The following GFOD1 variants were observed in gnomAD, a reference collection of about 807,000 sequenced individuals.
The protein encoded by GFOD1 is glucose-fructose oxidoreductase domain-containing protein 1.
A neutral mutation model predicts 25.4 loss-of-function variants in GFOD1; 9 were observed. The observed-to-expected ratio is 0.35, with a 90% CI of 0.21 to 0.62. The LOEUF is 0.62. GFOD1 is among the 20% of genes least tolerant of loss of function. The probability of loss-of-function intolerance (pLI) is 0.72; values close to 1 mark genes in which losing one functional copy is unlikely to be tolerated. For missense variants in GFOD1, 403 were observed against 556.9 expected (o/e 0.72, Z 2.78); for synonymous variants, 253 against 245.6 (o/e 1.03, Z -0.28).
Position 13,365,752 on chromosome 6 carries a change from T to C in GFOD1, c.254-90A>G, listed in dbSNP as rs1785032696. 6.9e-6 allele frequency: 7 copies of C among 1,008,690 alleles called. No individual in the cohort carries two copies. Among genetic ancestry groups the C allele is most frequent in the Non-Finnish European group, 1.0e-5 (7 of 685,332 alleles). The allele number at this position is 1,008,690 out of a possible 1,614,324, so 62.5% of individuals were successfully genotyped here. ...CAGATCTTAAAATATTTCACATTAA[T>C]AGAAAAAGAAGGTCAGATGTGGTGG... On this transcript the variant is annotated intron_variant, in intron 1 of 1. Transcript: ENST00000379287. This position sits in a 1 kb window ranked among gnomAD's most constrained non-coding sequence, Gnocchi z 9.2.
intron 1 of GFOD1, among the ~76,000 whole-genome samples, chr6:13,455,398 C>T (rs1009444545): frequency 7.9e-5 from 12 of 152,146 alleles, no homozygotes; most frequent in Admixed American, 2.0e-4. Flanking sequence ...GGTCCCCAGC[C>T]GGGTGGCTAC....
chr6:13,473,686 T>C (rs1022563223), intron 1 of GFOD1, among the ~76,000 whole-genome samples: 1 of 152,248 alleles, frequency 6.6e-6, no homozygotes, highest in Admixed American at 6.5e-5. Flanking sequence ...TGAGGAGGAC[T>C]TTATATCATA....
intron 1 of GFOD1, among the ~76,000 whole-genome samples, chr6:13,422,183 T>G (rs1246433866): frequency 6.6e-6 from 1 of 152,198 alleles, no homozygotes; most frequent in Non-Finnish European, 1.5e-5. Context: ...CAATTAAGGC[T>G]GCCATTCAAT....
intron 1 of GFOD1, chr6:13,469,272 A>G: frequency 4.1e-6 from 4 of 985,518 alleles, no homozygotes; most frequent in Non-Finnish European, 4.8e-6. Flanking sequence ...CTCGCCTTTT[A>G]TATCTTATCC....
In GFOD1 at chr6:13,360,969, T is replaced by C. The variant is rs1458449180; in HGVS notation, c.*3774A>G. The stretch of plus-strand genomic sequence containing the variant: ...TTGTGTGACTTTGAACAAGTTCCTC[T>C]TCCTCTTACTGCCTCCATTTTCTCA... On this transcript the variant is annotated 3_prime_UTR_variant, in exon 2 of 2. Transcript: ENST00000379287. The C allele has an allele frequency of 4.9e-6, 2 of 410,396 alleles. No homozygotes were observed. The highest frequency in any genetic ancestry group is 5.3e-5 in the Admixed American group (2 of 37,650). 25.4% of individuals were successfully genotyped at this position (410,396 alleles called of 1,614,324 possible).
At chr6:13,374,273 TTGTGTGTG>T (rs567594703) in intron 1 of GFOD1, among the ~76,000 whole-genome samples, 1 of 134,388 alleles carries the variant, frequency 7.4e-6, no homozygotes, top group African/African-American at 2.9e-5. Context: ...TGTTTTTTTT[TTGTGTGTG>T]TGTGTGTGTG....
At chr6:13,374,788 G>A (rs938824557) in intron 1 of GFOD1, among the ~76,000 whole-genome samples, 6 of 139,182 alleles carry the variant, frequency 4.3e-5, no homozygotes, top group Admixed American at 8.0e-5. Flanking sequence ...TGTTGCCCAG[G>A]CTGGAGTGCA....
intron 1 of GFOD1, among the ~76,000 whole-genome samples, chr6:13,409,145 G>GAAAGAAAGAAAA (rs1786008892): frequency 3.1e-5 from 1 of 32,344 alleles, no homozygotes; most frequent in African/African-American, 6.0e-5. Flanking sequence ...AAGAAAGAAA[G>GAAAGAAAGAAAA]AAAGAGAGGA....
At chr6:13,440,009 G>A (rs1757890063) in intron 1 of GFOD1, among the ~76,000 whole-genome samples, 1 of 152,096 alleles carries the variant, frequency 6.6e-6, no homozygotes, top group South Asian at 2.1e-4. Flanking sequence ...TCTAATCCCA[G>A]AACCTGAGAC....
chr6:13,398,736 C>CG (rs1562205796), intron 1 of GFOD1, among the ~76,000 whole-genome samples: 1 of 152,166 alleles, frequency 6.6e-6, no homozygotes. Context: ...CTCAGCCTCC[C>CG]GGGCTTCTCA....
Position 13,487,154 on chromosome 6 carries a change from C to T in GFOD1, c.-264G>A, listed in dbSNP as rs1365850456. ...CTTCCCGGAGTCGGCGGCAGGGACCCCCCCAGGGCGCCGGAGGCTTCGAAG... is the reference window on the plus strand; with the variant it reads ...CTTCCCGGAGTCGGCGGCAGGGACCTCCCCAGGGCGCCGGAGGCTTCGAAG... On this transcript the variant is annotated 5_prime_UTR_variant, in exon 1 of 2. Coordinates refer to ENST00000379287, the MANE Select transcript of GFOD1 (RefSeq NM_018988.4). The surrounding 1 kb of genome is among the most constrained non-coding windows in gnomAD (Gnocchi z 4.9). The T allele has an allele frequency of 4.6e-6, 2 of 433,710 alleles. No homozygotes were observed. Among genetic ancestry groups the T allele is most frequent in the Non-Finnish European group, 4.0e-6 (1 of 247,688 alleles). 26.9% of individuals were successfully genotyped at this position (433,710 alleles called of 1,614,324 possible). A position where few individuals can be genotyped will look rare whatever the true frequency, so the allele number is the denominator to read the frequency against.
intron 1 of GFOD1, among the ~76,000 whole-genome samples, chr6:13,402,655 A>G (rs926268302): frequency 6.6e-6 from 1 of 152,226 alleles, no homozygotes; most frequent in African/African-American, 2.4e-5. Flanking sequence ...TAGGATGACT[A>G]TAATAAAAAA....
At chr6:13,470,960 G>GA (rs149680774) in intron 1 of GFOD1, among the ~76,000 whole-genome samples, 4,832 of 150,436 alleles carry the variant, frequency 0.032, 245 homozygotes, top group African/African-American at 0.11. Flanking sequence ...GGACTCGAAA[G>GA]AAAAAAAAAG....
At position 13,448,797 on chromosome 6, in the gene GFOD1, T is replaced by G. The variant is rs554956455; in HGVS notation, c.253+37841A>C. Among the ~76,000 whole-genome samples, 367 of 152,308 alleles carry G rather than the reference T, an allele frequency of 2.4e-3. 1 individual carries two copies. The highest frequency in any genetic ancestry group is 4.4e-3 in the Non-Finnish European group (296 of 68,028). On this transcript the variant is annotated intron_variant, in intron 1 of 1. Transcript: ENST00000379287. The stretch of plus-strand genomic sequence containing the variant: ...GAGGGTCATGCTTCTAGAAACCTGG[T>G]GGACAGAGATCTGGCTGTACCTCCT...
chr6:13,431,849 C>T (rs976424613), intron 1 of GFOD1, among the ~76,000 whole-genome samples: 7 of 152,228 alleles, frequency 4.6e-5, no homozygotes, highest in Non-Finnish European at 1.0e-4. Context: ...CTTCCTTTTG[C>T]CTGCCTTCAA....
rs572624512 is a variant in GFOD1, at chr6:13,384,620, T to C, written c.254-18958A>G. Reference sequence around the variant, plus strand: ...GATGATTTACAACAGAATGTGGCCATGAGAGGCCCTCAATGATCCACAGCA... The same window carrying C: ...GATGATTTACAACAGAATGTGGCCACGAGAGGCCCTCAATGATCCACAGCA... On this transcript the variant is annotated intron_variant, in intron 1 of 1. Coordinates refer to ENST00000379287, the MANE Select transcript of GFOD1 (RefSeq NM_018988.4). Among the ~76,000 whole-genome samples, 510 of 152,308 alleles carry C rather than the reference T, an allele frequency of 3.3e-3. 2 individuals are homozygous for C. The highest frequency in any genetic ancestry group is 2.0e-3 in the Non-Finnish European group (136 of 68,030).
chr6:13,388,921 AAAAC>A (rs1423289021), intron 1 of GFOD1, among the ~76,000 whole-genome samples: 3 of 152,374 alleles, frequency 2.0e-5, no homozygotes, highest in South Asian at 2.1e-4. Flanking sequence ...TTACAAGAAA[AAAAC>A]AAACAACCCC....
chr6:13,365,236 A>G lies in GFOD1; in HGVS notation c.680T>C (p.Leu227Pro). 1 of 1,614,168 alleles carries G rather than the reference A, an allele frequency of 6.2e-7. No individual in the cohort carries two copies. Among genetic ancestry groups the G allele is most frequent in the Non-Finnish European group, 8.5e-7 (1 of 1,180,014 alleles). The change falls in exon 2 of 2, where the codon CTG becomes CCG. Residue 227 changes from leucine to proline, a missense_variant. Coordinates refer to ENST00000379287, the MANE Select transcript of GFOD1 (RefSeq NM_018988.4). This position sits in a 1 kb window ranked among gnomAD's most constrained non-coding sequence, Gnocchi z 9.2. Reference protein sequence around the residue: ...SDDFCTFQMVLEGGVCCTVTL... With the variant: ...SDDFCTFQMVPEGGVCCTVTL... ...GACGGTGCAGCACACCCCGCCCTCCAGCACCATCTGGAAGGTGCAGAAGTC... is the reference window on the plus strand; with the variant it reads ...GACGGTGCAGCACACCCCGCCCTCCGGCACCATCTGGAAGGTGCAGAAGTC...
chr6:13,391,531 G>A (rs201826136), intron 1 of GFOD1, among the ~76,000 whole-genome samples: 92 of 110,212 alleles, frequency 8.3e-4, no homozygotes, highest in Middle Eastern at 9.4e-3. Context: ...AAAAAAAAAA[G>A]AAAGAGAAAA....
Sources: allele counts gnomAD v4.1 joint callset (sites outside exome capture counted in the v4.1 genomes callset), GRCh38; gene constraint gnomAD v4.1.1; non-coding constraint Gnocchi (gnomAD v3.1); transcripts MANE v1.5; gene names NCBI Gene and HGNC (gene_info 2026-07-23, HGNC 2026-07-21).